The following ATP9B variants were observed in gnomAD, a reference collection of about 807,000 sequenced individuals.
ATP9B encodes probable phospholipid-transporting ATPase IIB.
In ATP9B, 110 loss-of-function variants were observed where a neutral mutation model predicts 146.1. That is an observed-to-expected ratio of 0.75 (90% confidence interval 0.65 to 0.88). ATP9B has a LOEUF of 0.88. ATP9B is among the 40% of genes least tolerant of loss of function. The pLI is 0.00. For synonymous variants in ATP9B, 604 were observed against 569.7 expected (o/e 1.06, Z -0.86); for missense variants, 1,499 against 1,496.4 (o/e 1.00, Z -0.03).
chr18:79,078,964 G>A (rs779771626), intron 1 of ATP9B, among the ~76,000 whole-genome samples: 4 of 152,030 alleles, frequency 2.6e-5, no homozygotes, highest in Non-Finnish European at 5.9e-5. Context: ...TTCCAGCTTC[G>A]TCCATGTCCA....
chr18:79,194,383 A>G (rs1450345631), intron 9 of ATP9B: 1 of 152,186 alleles, frequency 6.6e-6, no homozygotes, highest in Non-Finnish European at 1.5e-5. Context: ...TGACTTTGAA[A>G]AGTCGGAAAT....
chr18:79,139,036 C>T (rs1245286941), intron 5 of ATP9B, among the ~76,000 whole-genome samples: 1 of 152,190 alleles, frequency 6.6e-6, no homozygotes, highest in Non-Finnish European at 1.5e-5. Context: ...CCACTATACT[C>T]CAGACTGGGT....
chr18:79,175,484 G>A (rs2095149931), intron 7 of ATP9B, among the ~76,000 whole-genome samples: 1 of 152,074 alleles, frequency 6.6e-6, no homozygotes, highest in Non-Finnish European at 1.5e-5. Flanking sequence ...AGATATATGT[G>A]CACACACACA....
intron 17 of ATP9B, among the ~76,000 whole-genome samples, chr18:79,331,712 T>A (rs1345545804): frequency 2.1e-5 from 3 of 143,856 alleles, no homozygotes; most frequent in Admixed American, 1.4e-4. Flanking sequence ...GTCAAATGTT[T>A]AAAAAAAAAA....
At chr18:79,180,433 C>T (rs2095237489) in intron 8 of ATP9B, among the ~76,000 whole-genome samples, 1 of 152,192 alleles carries the variant, frequency 6.6e-6, no homozygotes, top group Non-Finnish European at 1.5e-5. Context: ...TTCTCCATGT[C>T]ACTTACAGTG....
Position 79,119,321 on chromosome 18 carries a change from G to C in ATP9B, c.558+5967G>C, listed in dbSNP as rs566508056. 1.4e-3 allele frequency among the ~76,000 whole-genome samples: 216 copies of C among 152,284 alleles called. 3 individuals are homozygous for C. The highest frequency in any genetic ancestry group is 4.9e-3 in the African/African-American group (203 of 41,574). On this transcript the variant is annotated intron_variant, in intron 4 of 29. Coordinates refer to ENST00000426216, the MANE Select transcript of ATP9B (RefSeq NM_198531.5). ...GATCTTGGCCATACTTGAGTGAAGTGTGCACACAAGCACACACACGTCTGT... is the reference window on the plus strand; with the variant it reads ...GATCTTGGCCATACTTGAGTGAAGTCTGCACACAAGCACACACACGTCTGT...
At chr18:79,227,032 T>C (rs1300428142) in intron 11 of ATP9B, among the ~76,000 whole-genome samples, 1 of 152,210 alleles carries the variant, frequency 6.6e-6, no homozygotes, top group Non-Finnish European at 1.5e-5. Flanking sequence ...ACTTCTTGCA[T>C]TGTCGTATTG....
At chr18:79,375,198 T>TA (rs2097096002) in intron 28 of ATP9B, among the ~76,000 whole-genome samples, 196 bp from the exon 29 acceptor site, 1 of 152,238 alleles carries the variant, frequency 6.6e-6, no homozygotes, top group Non-Finnish European at 1.5e-5. Flanking sequence ...CCTTTAGCTA[T>TA]TGGGTTTCAG....
chr18:79,377,508 CGCCAG>C lies in ATP9B; in HGVS notation c.*128_*132del, dbSNP rs2097108930. The C allele has an allele frequency of 7.8e-7, 1 of 1,290,088 alleles. No individual in the cohort carries two copies. The highest frequency in any genetic ancestry group is 1.1e-6 in the Non-Finnish European group (1 of 946,022). The allele number at this position is 1,290,088 out of a possible 1,614,324, so 79.9% of individuals were successfully genotyped here. ...CAAGCACCACAAGAAAGGGAGGGTA[CGCCAG>C]GCGAGCCCAGGGCACAGATGCTGAG... On this transcript the variant is annotated 3_prime_UTR_variant, in exon 30 of 30. Transcript: ENST00000426216.
chr18:79,211,016 CATCTT>C (rs1378752868), intron 10 of ATP9B, among the ~76,000 whole-genome samples: 1 of 152,050 alleles, frequency 6.6e-6, no homozygotes, highest in East Asian at 1.9e-4. Context: ...TTCTATGAAT[CATCTT>C]AATTAATTTG....
At position 79,190,069 on chromosome 18, in the gene ATP9B, G is replaced by A. The variant is rs116920789; in HGVS notation, c.874-3114G>A. Reference sequence around the variant, plus strand: ...GCAGCAGCAGGAGGGGCTGCGACACGATTCCGGGAGCACAGTGTGTACTGC... The same window carrying A: ...GCAGCAGCAGGAGGGGCTGCGACACAATTCCGGGAGCACAGTGTGTACTGC... On this transcript the variant is annotated intron_variant, in intron 8 of 29. Coordinates refer to ENST00000426216, the MANE Select transcript of ATP9B (RefSeq NM_198531.5). Among the ~76,000 whole-genome samples, 488 of 152,298 alleles carry A rather than the reference G, an allele frequency of 3.2e-3. 1 individual carries two copies. Among genetic ancestry groups the A allele is most frequent in the Non-Finnish European group, 4.7e-3 (319 of 68,018 alleles).
intron 7 of ATP9B, among the ~76,000 whole-genome samples, chr18:79,163,637 T>A (rs1409544160): frequency 6.6e-6 from 1 of 151,186 alleles, no homozygotes; most frequent in African/African-American, 2.5e-5. Context: ...TTTCTTGTAC[T>A]GCTTCTTAGT....
intron 4 of ATP9B, among the ~76,000 whole-genome samples, chr18:79,116,940 TAAAAA>T (rs377608135): frequency 9.4e-6 from 1 of 106,818 alleles, no homozygotes; most frequent in South Asian, 3.5e-4. Context: ...AAAAAAAAAT[TAAAAA>T]AAAAAAAAAA....
At position 79,193,275 on chromosome 18, in the gene ATP9B, C is replaced by T. The variant is rs377749899; in HGVS notation, c.954+12C>T. ...GCACATTTACCAGGGTAAGTTAAACCTGTTGTTCAATACAAATAGAGTTAT... is the reference window on the plus strand; with the variant it reads ...GCACATTTACCAGGGTAAGTTAAACTTGTTGTTCAATACAAATAGAGTTAT... On this transcript the variant is annotated intron_variant, in intron 9 of 29. Coordinates refer to ENST00000426216, the MANE Select transcript of ATP9B (RefSeq NM_198531.5). The T allele has an allele frequency of 3.8e-5, 60 of 1,578,758 alleles. 1 individual carries two copies. In the African/African-American group the frequency reaches 7.3e-4, roughly 19 times the overall value.
intron 20 of ATP9B, chr18:79,343,726 C>T (rs1451115609): frequency 1.3e-5 from 2 of 157,730 alleles, no homozygotes; most frequent in Non-Finnish European, 2.8e-5. Context: ...TCCCTGGGCT[C>T]TGGTGCTCTG....
At chr18:79,257,217 T>C (rs530838086) in intron 12 of ATP9B, among the ~76,000 whole-genome samples, 31 of 152,264 alleles carry the variant, frequency 2.0e-4, no homozygotes, top group African/African-American at 5.3e-4. Flanking sequence ...GGAGAATCAC[T>C]TGAACCCAGG....
In ATP9B at chr18:79,377,686, A is replaced by C. The variant is rs2097109552; in HGVS notation, c.*303A>C. On this transcript the variant is annotated 3_prime_UTR_variant, in exon 30 of 30. Transcript: ENST00000426216. ...GATGCTGAGACAGCCTCTCCCTCTC[A>C]GTGCAGGGACGTCACCCCTGCCAGG... 1 of 382,256 alleles carries C rather than the reference A, an allele frequency of 2.6e-6. No individual in the cohort carries two copies. Among genetic ancestry groups the C allele is most frequent in the South Asian group, 3.1e-5 (1 of 32,740 alleles). 23.7% of individuals were successfully genotyped at this position (382,256 alleles called of 1,614,324 possible).
In ATP9B at chr18:79,374,286, G is replaced by A. The variant is rs1472749655; in HGVS notation, c.3274+185G>A. 1.1e-5 allele frequency: 7 copies of A among 625,822 alleles called. No individual in the cohort carries two copies. In the Admixed American group the frequency reaches 2.0e-4, roughly 18 times the overall value. 38.8% of individuals were successfully genotyped at this position (625,822 alleles called of 1,614,324 possible). A position where few individuals can be genotyped will look rare whatever the true frequency, so the allele number is the denominator to read the frequency against. ...CGCTGAGCCCCGTCGGTCACTGGCT[G>A]GCCGGTCCCCTGACAGGAGGCGCTG... On this transcript the variant is annotated intron_variant, in intron 28 of 29. Coordinates refer to ENST00000426216, the MANE Select transcript of ATP9B (RefSeq NM_198531.5).
chr18:79,325,353 C>T (rs553224771), intron 15 of ATP9B, among the ~76,000 whole-genome samples: 13 of 152,256 alleles, frequency 8.5e-5, no homozygotes, highest in African/African-American at 3.1e-4. Flanking sequence ...ATAGTAGTTA[C>T]AGTTTCTCTC....
Sources: allele counts gnomAD v4.1 joint callset (sites outside exome capture counted in the v4.1 genomes callset), GRCh38; gene constraint gnomAD v4.1.1; transcripts MANE v1.5; gene names NCBI Gene and HGNC (gene_info 2026-07-23, HGNC 2026-07-21).